Variants in WDFY4 observed in about 807,000 individuals in gnomAD.
The protein encoded by WDFY4 is WD repeat- and FYVE domain-containing protein 4.
Under a neutral mutation model 351.9 loss-of-function variants are expected in WDFY4, and 169 were observed. The ratio of observed to expected loss-of-function variants is 0.48; its 90% confidence interval spans 0.42 to 0.55. The LOEUF (loss-of-function observed/expected upper bound fraction) is 0.55, where lower values mean the gene tolerates loss of function less well. Among genes scored for constraint, WDFY4 ranks in the 20% least tolerant of loss-of-function variants. The pLI is 0.00. For missense variants in WDFY4, 3,803 were observed against 3,935.6 expected (o/e 0.97, Z 0.90); for synonymous variants, 1,622 against 1,574.6 (o/e 1.03, Z -0.71).
At chr10:48,745,010 C>G (rs779250029) in intron 12 of WDFY4, among the ~76,000 whole-genome samples, 3 of 152,108 alleles carry the variant, frequency 2.0e-5, no homozygotes, top group Non-Finnish European at 4.4e-5. Flanking sequence ...CCTGTTTCTC[C>G]TACTGTTTTT....
intron 42 of WDFY4, among the ~76,000 whole-genome samples, chr10:48,876,046 G>C (rs997749895): frequency 4.6e-5 from 7 of 152,326 alleles, no homozygotes; most frequent in Admixed American, 4.6e-4. Context: ...GGGCTGCTGT[G>C]TCCTCTCATT....
chr10:48,953,679 C>T (rs963718287), intron 51 of WDFY4, among the ~76,000 whole-genome samples: 1 of 152,236 alleles, frequency 6.6e-6, no homozygotes, highest in African/African-American at 2.4e-5. Context: ...AAACCACTTC[C>T]ATATCCAGAT....
intron 21 of WDFY4, 42 bp downstream of exon 21, chr10:48,788,717 G>T (rs1207372928): frequency 6.5e-7 from 1 of 1,545,246 alleles, no homozygotes; most frequent in Non-Finnish European, 8.8e-7. Flanking sequence ...TTGGAATCTG[G>T]TTTCATGGTT....
chr10:48,787,902 TCTTC>T (rs2066503845), intron 20 of WDFY4, among the ~76,000 whole-genome samples: 1 of 30,424 alleles, frequency 3.3e-5, no homozygotes, highest in African/African-American at 1.8e-4. Flanking sequence ...TCCTTCTTCT[TCTTC>T]TTCTTCTTCT....
intron 39 of WDFY4, among the ~76,000 whole-genome samples, chr10:48,853,362 A>C (rs918889897): frequency 6.6e-6 from 1 of 152,140 alleles, no homozygotes; most frequent in Non-Finnish European, 1.5e-5. Context: ...TATTTTTGTG[A>C]TCTCTTAACT....
intron 35 of WDFY4, chr10:48,823,683 C>CGGG: frequency 1.0e-6 from 1 of 999,300 alleles, no homozygotes; most frequent in South Asian, 4.4e-5. Flanking sequence ...AGCTGCTGAG[C>CGGG]TCCCTATGGC....
At chr10:48,730,259 G>T (rs939443806) in intron 8 of WDFY4, among the ~76,000 whole-genome samples, 7 of 152,266 alleles carry the variant, frequency 4.6e-5, no homozygotes, top group Non-Finnish European at 8.8e-5. Flanking sequence ...TGGCCTGGAA[G>T]GCTGGGTGAG....
chr10:48,816,116 T>A (rs1018214835), intron 31 of WDFY4, among the ~76,000 whole-genome samples: 1 of 152,214 alleles, frequency 6.6e-6, no homozygotes, highest in Non-Finnish European at 1.5e-5. Context: ...ATTAATATTT[T>A]AAAATAATTT....
At chr10:48,939,773 G>A (rs1201431705) in intron 47 of WDFY4, among the ~76,000 whole-genome samples, 1 of 152,186 alleles carries the variant, frequency 6.6e-6, no homozygotes, top group African/African-American at 2.4e-5. Context: ...GGAACTGCTG[G>A]TAATGGCGTC....
chr10:48,804,307 C>T (rs2067181008), intron 25 of WDFY4, among the ~76,000 whole-genome samples: 1 of 152,182 alleles, frequency 6.6e-6, no homozygotes, highest in South Asian at 2.1e-4. Flanking sequence ...AAACTTACTA[C>T]ATTTCGCACC....
chr10:48,820,408 C>A lies in WDFY4; in HGVS notation c.5680C>A (p.Gln1894Lys). 1.3e-6 allele frequency: 2 copies of A among 1,551,534 alleles called. No homozygotes were observed. The highest frequency in any genetic ancestry group is 1.7e-6 in the Non-Finnish European group (2 of 1,146,978). Reference protein sequence around the residue: ...ELLLGASSPKQWLPLEVLLEA... With the variant: ...ELLLGASSPKKWLPLEVLLEA... ...CCTGCTTGGAGCCTCCAGCCCCAAG[C>A]AGTGGCTGCCCCTGGAGGTGCTCCT... is the stretch of plus-strand genomic sequence containing the variant. The change falls in exon 33 of 62, where the codon CAG becomes AAG. Residue 1894 changes from glutamine (Q) to lysine (K), a missense_variant. By Grantham distance (53) the Gln-to-Lys change is moderately conservative. Around this residue, in one of 3 missense-constraint regions of WDFY4, gnomAD observed 3,054 missense variants for 3,148.6 expected, o/e 0.97. Transcript: ENST00000325239.
In WDFY4 at chr10:48,870,147, G is replaced by A. The variant is rs536199041; in HGVS notation, c.6741+2805G>A. ...GTGAAGTGTTCATCTTTGAAGGCTGGTCAACCCCACTGAAGTAGCAGGGAC... is the reference window on the plus strand; with the variant it reads ...GTGAAGTGTTCATCTTTGAAGGCTGATCAACCCCACTGAAGTAGCAGGGAC... On this transcript the variant is annotated intron_variant, in intron 40 of 61. Transcript: ENST00000325239. 3.9e-5 allele frequency among the ~76,000 whole-genome samples: 6 copies of A among 152,298 alleles called. No homozygotes were observed. The South Asian group carries it at 1.2e-3, about 32-fold the overall frequency.
chr10:48,718,491 T>C (rs2063977329), intron 2 of WDFY4, among the ~76,000 whole-genome samples: 1 of 152,236 alleles, frequency 6.6e-6, no homozygotes, highest in South Asian at 2.1e-4. Flanking sequence ...TTCAGGTCTT[T>C]GAGCAGGAGC....
At chr10:48,731,054 T>C (rs1188932910) in intron 8 of WDFY4, 56 bp from the exon 9 acceptor site, 3 of 1,454,370 alleles carry the variant, frequency 2.1e-6, no homozygotes, top group Admixed American at 5.0e-5. Context: ...AAACATCTAT[T>C]TGTAGACACA....
At chr10:48,847,071 G>A in intron 39 of WDFY4, among the ~76,000 whole-genome samples, 1 of 152,144 alleles carries the variant, frequency 6.6e-6, no homozygotes, top group East Asian at 1.9e-4. Context: ...CCCCAGCCAG[G>A]GTGGCATAAA....
intron 60 of WDFY4, among the ~76,000 whole-genome samples, chr10:48,980,328 C>T (rs1842757614): frequency 6.6e-6 from 1 of 152,080 alleles, no homozygotes; most frequent in Admixed American, 6.6e-5. Flanking sequence ...TGGAAAGGGA[C>T]CTGTATTGGG....
intron 14 of WDFY4, 31 bp downstream of exon 14, chr10:48,774,703 A>G (rs922981951): frequency 1.9e-6 from 3 of 1,550,966 alleles, no homozygotes; most frequent in Non-Finnish European, 2.6e-6. Flanking sequence ...AGTGCCGCCA[A>G]GCTGGGCAGC....
chr10:48,834,531 T>C (rs1457060224), intron 39 of WDFY4, among the ~76,000 whole-genome samples: 2 of 152,338 alleles, frequency 1.3e-5, no homozygotes, highest in East Asian at 1.9e-4. Context: ...GTCAAGATCA[T>C]CCTATAGGTG....
chr10:48,934,248 C>T (rs1430632533), intron 47 of WDFY4, among the ~76,000 whole-genome samples: 2 of 152,240 alleles, frequency 1.3e-5, no homozygotes, highest in Non-Finnish European at 2.9e-5. Flanking sequence ...ATGTGCCCGA[C>T]CCTTTGCAAA....
Sources: gnomAD v4.1 joint callset for allele counts (sites outside exome capture counted in the v4.1 genomes callset) on GRCh38, gnomAD v4.1.1 for gene constraint, gnomAD v4.1.1 regional missense constraint, MANE v1.5 for transcripts, NCBI Gene and HGNC (gene_info 2026-07-23, HGNC 2026-07-21) for gene names.